CEP250: variants seen among roughly 807,000 people sequenced by gnomAD.
The protein encoded by CEP250 is centrosomal protein 250.
Under a neutral mutation model 315.7 loss-of-function variants are expected in CEP250, and 242 were observed. The observed-to-expected ratio is 0.77, with a 90% CI of 0.69 to 0.85. CEP250 has a LOEUF of 0.85. CEP250 is among the 40% of genes least tolerant of loss of function. CEP250 has a pLI of 0.00. For synonymous variants in CEP250, 1,088 were observed against 1,175.0 expected (o/e 0.93, Z 1.51); for missense variants, 2,515 against 2,886.4 (o/e 0.87, Z 2.95).
chr20:35,491,729 C>T (rs1243388244), intron 22 of CEP250, among the ~76,000 whole-genome samples: 2 of 151,894 alleles, frequency 1.3e-5, no homozygotes, highest in South Asian at 2.1e-4. Context: ...ATGGTGAAAC[C>T]TCATCTCTAC....
chr20:35,508,829 T>A (rs1024478492), intron 32 of CEP250, 114 bp from the exon 33 acceptor site: 1 of 790,860 alleles, frequency 1.3e-6, no homozygotes, highest in African/African-American at 1.7e-5. Flanking sequence ...TCTCTTCCCA[T>A]GGTTACTGTC....
In CEP250 at chr20:35,515,524, C is replaced by G. The variant is rs1178768873; in HGVS notation, c.*3898C>G. 2 of 152,268 alleles carry G rather than the reference C, an allele frequency of 1.3e-5. No homozygotes were observed. Among genetic ancestry groups the G allele is most frequent in the Non-Finnish European group, 2.9e-5 (2 of 68,058 alleles). 9.4% of individuals were successfully genotyped at this position (152,268 alleles called of 1,614,324 possible). A position where few individuals can be genotyped will look rare whatever the true frequency, so the allele number is the denominator to read the frequency against. On this transcript the variant is annotated 3_prime_UTR_variant, in exon 35 of 35. Transcript: ENST00000397527. ...TAGAAGTACCTGTGGGGTGGGAAAC[C>G]CCAGCCACAAAAGCAGTGAGCTGAC...
Position 35,502,668 on chromosome 20 carries a change from A to T in CEP250, c.4299A>T (p.Arg1433Ser). ...LALLTQTLAE[R>S]EEEVETLRGQ... ...TCCTGACCCAGACCCTAGCTGAAAG[A>T]GAAGAGGAGGTGGAGACTCTGCGGG... The change falls in exon 30 of 35, where the codon AGA becomes AGT. Residue 1433 changes from arginine to serine, a missense_variant. Coordinates refer to ENST00000397527, the MANE Select transcript of CEP250 (RefSeq NM_007186.6). 9 of 1,614,268 alleles carry T rather than the reference A, an allele frequency of 5.6e-6. No homozygotes were observed. Among genetic ancestry groups the T allele is most frequent in the Non-Finnish European group, 7.6e-6 (9 of 1,180,052 alleles).
At chr20:35,496,944 A>G (rs1311020814) in intron 25 of CEP250, among the ~76,000 whole-genome samples, 1 of 152,008 alleles carries the variant, frequency 6.6e-6, no homozygotes, top group Non-Finnish European at 1.5e-5. Context: ...GAAACCTGAC[A>G]GCCCACAGCA....
rs146780266 is a variant in CEP250 at position 35,492,441 on chromosome 20, A to G, written c.2890-988A>G. 7.2e-5 allele frequency among the ~76,000 whole-genome samples: 11 copies of G among 152,244 alleles called. No individual in the cohort carries two copies. The East Asian group carries it at 2.1e-3, about 29-fold the overall frequency. On this transcript the variant is annotated intron_variant, in intron 22 of 34. Transcript: ENST00000397527. ...CTGTGAATATCCTAAAACCCACTAC[A>G]CAGTATACGTTAAATGAGTGAATTG...
intron 17 of CEP250, among the ~76,000 whole-genome samples, chr20:35,478,642 A>G (rs1402797505): frequency 1.3e-5 from 2 of 152,024 alleles, no homozygotes; most frequent in African/African-American, 2.4e-5. Flanking sequence ...TTCTCCTTAT[A>G]CTCTGATAGC....
At chr20:35,461,840 A>G (rs1415183444) in intron 3 of CEP250, among the ~76,000 whole-genome samples, 1 of 152,136 alleles carries the variant, frequency 6.6e-6, no homozygotes, top group African/African-American at 2.4e-5. Context: ...AAGTGTTAAC[A>G]ATGATGATGA....
At chr20:35,485,587 C>CTCA (rs1352069180) in intron 20 of CEP250, among the ~76,000 whole-genome samples, 1 of 147,034 alleles carries the variant, frequency 6.8e-6, no homozygotes, top group Non-Finnish European at 1.5e-5. Context: ...AACTCCCAGG[C>CTCA]TCAAGTGATC....
intron 3 of CEP250, among the ~76,000 whole-genome samples, chr20:35,461,215 G>A (rs1053859746): frequency 6.6e-6 from 1 of 152,180 alleles, no homozygotes; most frequent in African/African-American, 2.4e-5. Flanking sequence ...CCCTGCTGGT[G>A]AGAGTCTTAG....
intron 20 of CEP250, among the ~76,000 whole-genome samples, chr20:35,485,289 G>C (rs1172803784): frequency 1.3e-5 from 2 of 151,084 alleles, no homozygotes; most frequent in Non-Finnish European, 2.9e-5. Context: ...CAGGAGAATC[G>C]CTTGAACCTG....
rs200192618 is a variant in CEP250 at position 35,496,658 on chromosome 20, T to C, written c.3249T>C (p.Ser1083=). The part of the protein sequence containing the change: ...EADSIRQQEL[S]ALRQDMQEAQ... ...ACTCTATTCGACAACAAGAGCTGAG[T>C]GCCCTGCGCCAGGACATGCAGGAGG... Residue 1083 remains serine (S), a synonymous_variant, in exon 25 of 35, where the codon AGT becomes AGC. Transcript: ENST00000397527. The C allele has an allele frequency of 1.2e-6, 2 of 1,614,054 alleles. No individual in the cohort carries two copies. The highest frequency in any genetic ancestry group is 4.5e-5 in the East Asian group (2 of 44,868).
chr20:35,495,207 T>C (rs1018281126), intron 24 of CEP250, among the ~76,000 whole-genome samples: 4 of 152,142 alleles, frequency 2.6e-5, no homozygotes, highest in African/African-American at 7.2e-5. Flanking sequence ...TGGAGCCTGA[T>C]TGGATTGTAA....
intron 5 of CEP250, among the ~76,000 whole-genome samples, chr20:35,465,420 C>CA (rs80078387): frequency 0.065 from 3,816 of 58,448 alleles, 158 homozygotes; most frequent in African/African-American, 0.15. Context: ...ACTCTGTCTC[C>CA]AAAAAAAAAA....
In CEP250 at chr20:35,472,664, G is replaced by A; in HGVS notation, c.1051-9G>A. ...AGTAGGGTGGTGACCTTGCTGTATT[G>A]GGTTTCAGGTCATGGTGGAAGAAGG... On this transcript the variant is annotated splice_polypyrimidine_tract_variant and intron_variant, in intron 11 of 34. Coordinates refer to ENST00000397527, the MANE Select transcript of CEP250 (RefSeq NM_007186.6). 1 of 1,614,006 alleles carries A rather than the reference G, an allele frequency of 6.2e-7. No homozygotes were observed. The highest frequency in any genetic ancestry group is 8.5e-7 in the Non-Finnish European group (1 of 1,179,910).
chr20:35,463,649 C>T lies in CEP250; in HGVS notation c.243+18C>T. 1 of 1,595,840 alleles carries T rather than the reference C, an allele frequency of 6.3e-7. No homozygotes were observed. The highest frequency in any genetic ancestry group is 8.5e-7 in the Non-Finnish European group (1 of 1,171,406). On this transcript the variant is annotated intron_variant, in intron 5 of 34. Transcript: ENST00000397527. ...CCACTGGAGTGAGTGAGGCTGAGCT[C>T]TCTGCACCCCCTGGGTCCTCAGTGA...
intron 20 of CEP250, among the ~76,000 whole-genome samples, chr20:35,483,502 G>C (rs2063417496): frequency 6.6e-6 from 1 of 151,208 alleles, no homozygotes; most frequent in Admixed American, 6.6e-5. Flanking sequence ...ACAGGCACAT[G>C]CCACCATGCC....
At chr20:35,486,033 CTT>C (rs568800381) in intron 20 of CEP250, among the ~76,000 whole-genome samples, 30 of 128,308 alleles carry the variant, frequency 2.3e-4, no homozygotes, top group Admixed American at 3.9e-4. Flanking sequence ...AGTGGATTTA[CTT>C]TTTTTTTTTT....
chr20:35,475,908 T>C (rs545166077), intron 15 of CEP250, among the ~76,000 whole-genome samples: 28 of 152,356 alleles, frequency 1.8e-4, no homozygotes, highest in African/African-American at 6.3e-4. Context: ...CTTTTTGTCA[T>C]GTGCCTCAAA....
intron 20 of CEP250, among the ~76,000 whole-genome samples, chr20:35,488,796 T>G (rs921988117): frequency 6.6e-6 from 1 of 152,102 alleles, no homozygotes; most frequent in Admixed American, 6.6e-5. Flanking sequence ...CTGGGAAGGC[T>G]TCACCAAGGA....
Sources: gnomAD v4.1 joint callset for allele counts (sites outside exome capture counted in the v4.1 genomes callset) on GRCh38, gnomAD v4.1.1 for gene constraint, MANE v1.5 for transcripts, NCBI Gene and HGNC (gene_info 2026-07-23, HGNC 2026-07-21) for gene names.